Variants in ADAMTSL1 observed in about 807,000 individuals in gnomAD.
ADAMTSL1 encodes ADAMTS-like protein 1.
A neutral mutation model predicts 201.8 loss-of-function variants in ADAMTSL1; 126 were observed. The observed-to-expected ratio is 0.62, with a 90% CI of 0.54 to 0.72. The LOEUF (loss-of-function observed/expected upper bound fraction) is 0.72, where lower values mean the gene tolerates loss of function less well. ADAMTSL1 is among the 30% of genes least tolerant of loss of function. The pLI, the probability that ADAMTSL1 is intolerant of heterozygous loss-of-function variation, is 0.00. For missense variants in ADAMTSL1, 2,679 were observed against 2,277.8 expected (o/e 1.18, Z -3.59); for synonymous variants, 1,121 against 903.4 (o/e 1.24, Z -4.32).
At chr9:18,452,149 G>A (rs1290066124) in intron 2 of ADAMTSL1, among the ~76,000 whole-genome samples, 1 of 151,990 alleles carries the variant, frequency 6.6e-6, no homozygotes, top group Non-Finnish European at 1.5e-5. Context: ...CTGACCTCAG[G>A]TGATCCACCC....
intron 23 of ADAMTSL1, among the ~76,000 whole-genome samples, chr9:18,859,929 C>T (rs2131411132): frequency 6.6e-6 from 1 of 152,084 alleles, no homozygotes; most frequent in African/African-American, 2.4e-5. Context: ...GATTTTAGTG[C>T]ACCCATCACC....
intron 2 of ADAMTSL1, among the ~76,000 whole-genome samples, chr9:18,350,976 T>G (rs1416669897): frequency 6.6e-6 from 1 of 152,202 alleles, no homozygotes; most frequent in Non-Finnish European, 1.5e-5. Flanking sequence ...TTAAATTTCT[T>G]ATATGGAGCT....
At chr9:18,575,738 C>G (rs35875473) in intron 4 of ADAMTSL1, among the ~76,000 whole-genome samples, 41,706 of 152,022 alleles carry the variant, frequency 0.27, 6,262 homozygotes, top group Admixed American at 0.36. Flanking sequence ...AAACTGAGGA[C>G]CAGAAAATAT....
At chr9:18,259,565 C>A (rs1411721423) in intron 2 of ADAMTSL1, among the ~76,000 whole-genome samples, 1 of 151,778 alleles carries the variant, frequency 6.6e-6, no homozygotes, top group African/African-American at 2.4e-5. Context: ...TTAATGTGCT[C>A]AGGTAGTACA....
intron 4 of ADAMTSL1, among the ~76,000 whole-genome samples, chr9:18,584,267 T>G (rs1243735540): frequency 6.6e-6 from 1 of 151,916 alleles, no homozygotes; most frequent in Non-Finnish European, 1.5e-5. Context: ...AGTCTCACGA[T>G]ATCTGATGGT....
chr9:18,804,061 T>C (rs190440324), intron 20 of ADAMTSL1, among the ~76,000 whole-genome samples: 2 of 152,336 alleles, frequency 1.3e-5, no homozygotes, highest in African/African-American at 4.8e-5. Flanking sequence ...TTTCCCGTTA[T>C]AAACAGAGGG....
At chr9:18,451,823 G>A (rs1030825065) in intron 2 of ADAMTSL1, among the ~76,000 whole-genome samples, 17 of 152,244 alleles carry the variant, frequency 1.1e-4, no homozygotes, top group Admixed American at 9.2e-4. Flanking sequence ...CAAGACTGAA[G>A]GGCCCACATC....
At chr9:18,263,331 C>T (rs1462672462) in intron 2 of ADAMTSL1, among the ~76,000 whole-genome samples, 2 of 152,156 alleles carry the variant, frequency 1.3e-5, no homozygotes, top group Non-Finnish European at 2.9e-5. Context: ...CTAGAATTTT[C>T]TAATATCTCC....
At chr9:18,099,235 G>C (rs1307487545) in intron 1 of ADAMTSL1, among the ~76,000 whole-genome samples, 1 of 145,324 alleles carries the variant, frequency 6.9e-6, no homozygotes. Context: ...CTCTATTTTT[G>C]CCTGGGGTGT....
chr9:18,389,515 T>G (rs901531126), intron 2 of ADAMTSL1, among the ~76,000 whole-genome samples: 1 of 152,186 alleles, frequency 6.6e-6, no homozygotes, highest in Non-Finnish European at 1.5e-5. Context: ...TCATCCAGAC[T>G]TAGTGCAGCT....
At chr9:18,723,252 C>T (rs970111599) in intron 15 of ADAMTSL1, 1 of 621,528 alleles carries the variant, frequency 1.6e-6, no homozygotes, top group African/African-American at 1.8e-5. Context: ...AACAGCTACT[C>T]CTGCTGCTGT....
At chr9:18,257,991 G>C (rs1281996276) in intron 2 of ADAMTSL1, among the ~76,000 whole-genome samples, 1 of 152,168 alleles carries the variant, frequency 6.6e-6, no homozygotes, top group Non-Finnish European at 1.5e-5. Flanking sequence ...TGTTTCCTGG[G>C]TACAGAATTT....
chr9:18,640,105 T>C (rs1587768674), intron 7 of ADAMTSL1, among the ~76,000 whole-genome samples: 1 of 152,124 alleles, frequency 6.6e-6, no homozygotes, highest in East Asian at 1.9e-4. Flanking sequence ...CCAGAGGACA[T>C]TTGATTTAAG....
intron 4 of ADAMTSL1, among the ~76,000 whole-genome samples, chr9:18,575,975 A>G (rs375594699): frequency 6.6e-6 from 1 of 152,120 alleles, no homozygotes; most frequent in South Asian, 2.1e-4. Context: ...ATGGTACCTT[A>G]GCAACTGAAA....
intron 13 of ADAMTSL1, among the ~76,000 whole-genome samples, chr9:18,697,343 A>C (rs1316522523): frequency 6.6e-6 from 1 of 152,234 alleles, no homozygotes; most frequent in African/African-American, 2.4e-5. Context: ...GACAAGAAAC[A>C]TCTGTATCAC....
intron 13 of ADAMTSL1, among the ~76,000 whole-genome samples, chr9:18,691,056 C>T (rs111920727): frequency 0.015 from 2,243 of 152,290 alleles, 46 homozygotes; most frequent in African/African-American, 0.05. Context: ...GTGTTGAGTA[C>T]TGGTTGTCTA....
intron 23 of ADAMTSL1, among the ~76,000 whole-genome samples, chr9:18,881,691 C>T (rs887859037): frequency 2.6e-5 from 4 of 152,178 alleles, no homozygotes; most frequent in African/African-American, 9.7e-5. Flanking sequence ...TTGCTTAGCA[C>T]AGGGTTGCCA....
At chr9:18,417,866 T>C (rs1385069953) in intron 2 of ADAMTSL1, among the ~76,000 whole-genome samples, 1 of 152,142 alleles carries the variant, frequency 6.6e-6, no homozygotes, top group African/African-American at 2.4e-5. Context: ...ACTTCCCAAC[T>C]AATTTTATAA....
At chr9:18,584,335 A>T (rs1358349955) in intron 4 of ADAMTSL1, among the ~76,000 whole-genome samples, 1 of 151,330 alleles carries the variant, frequency 6.6e-6, no homozygotes, top group Non-Finnish European at 1.5e-5. Flanking sequence ...ACCATGTGAG[A>T]TGTCCCTGTC....
Sources: gnomAD v4.1 joint callset for allele counts (sites outside exome capture counted in the v4.1 genomes callset) on GRCh38, gnomAD v4.1.1 for gene constraint, MANE v1.5 for transcripts, NCBI Gene and HGNC (gene_info 2026-07-23, HGNC 2026-07-21) for gene names.